ZNF91: variants seen among roughly 807,000 people sequenced by gnomAD.
The protein encoded by ZNF91 is zinc finger protein 91 (HPF7, HTF10).
ZNF91 carries 7 observed loss-of-function variants against 12.6 expected under a neutral mutation model. That is an observed-to-expected ratio of 0.55 (90% CI 0.31 to 1.04). ZNF91 has a LOEUF of 1.04. Ranked by LOEUF, ZNF91 falls within the 50% of genes least tolerant of loss-of-function variation. The pLI is 0.05. For synonymous variants in ZNF91, 453 were observed against 462.6 expected (o/e 0.98, Z 0.27); for missense variants, 1,217 against 1,385.4 (o/e 0.88, Z 1.93).
At chr19:23,387,856 T>C (rs1158083594) in intron 1 of ZNF91, among the ~76,000 whole-genome samples, 1 of 149,966 alleles carries the variant, frequency 6.7e-6, no homozygotes, top group Non-Finnish European at 1.5e-5. Flanking sequence ...GACAGGATAA[T>C]TGCTTAAACC....
At chr19:23,323,137 TCC>T (rs1568367872) in intron 1 of ZNF91, among the ~76,000 whole-genome samples, 1 of 141,058 alleles carries the variant, frequency 7.1e-6, no homozygotes, top group Non-Finnish European at 1.6e-5. Flanking sequence ...CAGTTCTTCC[TCC>T]TTTTCCTTCG....
chr19:23,370,868 C>T (rs1016190337), intron 3 of ZNF91, among the ~76,000 whole-genome samples: 1 of 151,768 alleles, frequency 6.6e-6, no homozygotes, highest in Non-Finnish European at 1.5e-5. Flanking sequence ...GTTTTTACAA[C>T]AATTATTTTA....
chr19:23,342,379 A>G (rs1210346213), intron 3 of ZNF91: 1 of 330,554 alleles, frequency 3.0e-6, no homozygotes, highest in Non-Finnish European at 5.5e-6. Flanking sequence ...TTTAATTCCA[A>G]AATACTGTTT....
intron 1 of ZNF91, chr19:23,380,930 ATAAC>A (rs1414614204): frequency 6.6e-6 from 1 of 152,252 alleles, no homozygotes; most frequent in Admixed American, 6.5e-5. Context: ...AGCCTGCAAC[ATAAC>A]TAACTAAACA....
intron 3 of ZNF91, among the ~76,000 whole-genome samples, chr19:23,306,051 T>C (rs1186829944): frequency 6.6e-6 from 1 of 152,222 alleles, no homozygotes; most frequent in East Asian, 1.9e-4. Flanking sequence ...TACATAGAAA[T>C]ACTCATATAA....
chr19:23,382,038 C>T (rs1599752742), intron 1 of ZNF91, among the ~76,000 whole-genome samples: 1 of 65,712 alleles, frequency 1.5e-5, no homozygotes, highest in African/African-American at 6.4e-5. Context: ...CAGATAAAGA[C>T]AATCCTGAGA....
chr19:23,369,902 G>A (rs555102386), intron 3 of ZNF91, among the ~76,000 whole-genome samples: 4 of 149,466 alleles, frequency 2.7e-5, no homozygotes, highest in Admixed American at 1.3e-4. Context: ...AGGAAAACCA[G>A]AGACCTTTGT....
At chr19:23,313,560 G>A (rs1271549330), upstream of ZNF91, among the ~76,000 whole-genome samples, 3 of 152,172 alleles carry the variant, frequency 2.0e-5, no homozygotes, top group African/African-American at 7.2e-5. Flanking sequence ...GCATCCAGGT[G>A]AGGTGACTTT....
intron 1 of ZNF91, chr19:23,327,241 A>G (rs1448326431): frequency 6.6e-6 from 1 of 152,204 alleles, no homozygotes; most frequent in African/African-American, 2.4e-5. Context: ...CATATTTATA[A>G]AAAGAATCAT....
chr19:23,321,434 A>G (rs1179831749), intron 1 of ZNF91, among the ~76,000 whole-genome samples: 2 of 151,966 alleles, frequency 1.3e-5, no homozygotes, highest in African/African-American at 4.8e-5. Flanking sequence ...CAGCCTAAAA[A>G]GGGGATTGTG....
chr19:23,366,221 T>A (rs1364854246), intron 3 of ZNF91, among the ~76,000 whole-genome samples: 1 of 150,772 alleles, frequency 6.6e-6, no homozygotes, highest in Non-Finnish European at 1.5e-5. Flanking sequence ...CCCTCCCAGA[T>A]GGGGCGGCTG....
At position 23,360,243 on chromosome 19, in the gene ZNF91, A is replaced by C; in HGVS notation, c.2736T>G (p.Cys912Trp). ...GGCTAAATGCTTTGCCACATTCTTCACATTTGTAGGTTTTCTCTCTGGTAT... is the reference window on the plus strand; with the variant it reads ...GGCTAAATGCTTTGCCACATTCTTCCCATTTGTAGGTTTTCTCTCTGGTAT... ...RIHTREKTYK[C>W]EECGKAFSQP... Residue 912 changes from cysteine (C) to tryptophan (W), a missense_variant, in exon 4 of 4, where the codon TGT (cysteine) becomes TGG (tryptophan). Physicochemically the swap from Cys to Trp is radical, Grantham distance 215. Transcript: ENST00000300619. 6.2e-7 allele frequency: 1 copy of C among 1,614,024 alleles called. No individual in the cohort carries two copies. Among genetic ancestry groups the C allele is most frequent in the South Asian group, 1.1e-5 (1 of 91,082 alleles).
At chr19:23,387,039 AAGC>A (rs1454340526) in intron 1 of ZNF91, among the ~76,000 whole-genome samples, 1 of 152,240 alleles carries the variant, frequency 6.6e-6, no homozygotes, top group Non-Finnish European at 1.5e-5. Flanking sequence ...TTTGGCTAAC[AAGC>A]ATGCAATAAA....
rs1968712540 is a variant in ZNF91 at position 23,360,847 on chromosome 19, TC to T, written c.2131del (p.Glu711ArgfsTer75). Reference protein sequence around the residue: ...LTKHKIIHAGEKLYKCEECGK... With the variant: ...LTKHKIIHAGXKLYKCEECGK... ...ACATTCTTCACATTTGTAGAGTTTC[TC>T]TCCAGCATGTATTATTTTATGTTTA... On this transcript the variant is annotated frameshift_variant, in exon 4 of 4. Coordinates refer to ENST00000300619, the MANE Select transcript of ZNF91 (RefSeq NM_003430.4). LOFTEE classifies it low-confidence loss of function (END_TRUNC). 6.2e-7 allele frequency: 1 copy of T among 1,613,842 alleles called. No individual in the cohort carries two copies. The highest frequency in any genetic ancestry group is 1.3e-5 in the African/African-American group (1 of 75,014).
intron 1 of ZNF91, among the ~76,000 whole-genome samples, chr19:23,322,206 T>C (rs1236530421): frequency 2.0e-5 from 3 of 152,182 alleles, no homozygotes. Context: ...CAGAAGGCAT[T>C]GTGCCATATC....
chr19:23,381,036 T>C (rs997955781), intron 1 of ZNF91, among the ~76,000 whole-genome samples: 2 of 152,222 alleles, frequency 1.3e-5, no homozygotes, highest in Admixed American at 6.5e-5. Context: ...ACTAAAATTA[T>C]ACTTACCTAT....
chr19:23,380,875 G>A (rs1199321092), intron 1 of ZNF91: 3 of 136,492 alleles, frequency 2.2e-5, no homozygotes, highest in African/African-American at 2.9e-5. Flanking sequence ...AGCACTTTTT[G>A]ATTAAAAAAA....
intron 1 of ZNF91, among the ~76,000 whole-genome samples, chr19:23,387,310 C>T (rs975278449): frequency 6.6e-6 from 1 of 152,224 alleles, no homozygotes; most frequent in African/African-American, 2.4e-5. Context: ...CAAAGAAATA[C>T]AAATTATTCT....
chr19:23,325,899 T>C (rs1021250501), intron 1 of ZNF91: 5 of 152,326 alleles, frequency 3.3e-5, no homozygotes, highest in African/African-American at 9.6e-5. Flanking sequence ...TAATAACATC[T>C]CTTCCCTCCC....
Sources: gnomAD v4.1 joint callset for allele counts (sites outside exome capture counted in the v4.1 genomes callset) on GRCh38, gnomAD v4.1.1 for gene constraint, MANE v1.5 for transcripts, NCBI Gene and HGNC (gene_info 2026-07-23, HGNC 2026-07-21) for gene names.